Variants in DRC9 observed in about 807,000 individuals in gnomAD.
DRC9 encodes dynein regulatory complex subunit 9.
chr3:197,914,777 G>A, the DRC9 span, among the ~76,000 whole-genome samples: 6 of 152,150 alleles, frequency 3.9e-5, no homozygotes, highest in South Asian at 2.1e-4. Flanking sequence ...TAACAAGGGA[G>A]GAGTACATTA....
the DRC9 span, chr3:197,938,764 T>A: frequency 6.2e-7 from 1 of 1,609,912 alleles, no homozygotes; most frequent in Non-Finnish European, 8.5e-7. Context: ...TCCTTCTAGA[T>A]TCATTTCTCT....
At chr3:197,951,067 T>A in the DRC9 span, 1 of 1,602,106 alleles carries the variant, frequency 6.2e-7, no homozygotes, top group African/African-American at 1.3e-5. Flanking sequence ...AACTTAGATG[T>A]TTGCTCTGAG....
the DRC9 span, chr3:197,945,806 C>T: frequency 2.5e-4 from 143 of 570,810 alleles, 1 homozygote; most frequent in East Asian, 3.5e-3. Context: ...ACTATCGCCT[C>T]TTTGTGCGGA....
At chr3:197,889,975 C>T in the DRC9 span, among the ~76,000 whole-genome samples, 2 of 152,086 alleles carry the variant, frequency 1.3e-5, no homozygotes, top group African/African-American at 2.4e-5. Flanking sequence ...TTTTCTTCAC[C>T]CGTAGAAATC....
the DRC9 span, among the ~76,000 whole-genome samples, chr3:197,891,918 C>G: frequency 6.6e-6 from 1 of 152,172 alleles, no homozygotes. Flanking sequence ...CAGAGTCTCA[C>G]TCTGTCTGTC....
chr3:197,950,084 A>G, the DRC9 span: 4 of 1,213,240 alleles, frequency 3.3e-6, no homozygotes, highest in Non-Finnish European at 3.1e-6. Flanking sequence ...TTCAGTGCGA[A>G]GCCGATTTCC....
chr3:197,892,170 G>A, the DRC9 span, among the ~76,000 whole-genome samples: 2 of 152,212 alleles, frequency 1.3e-5, 1 homozygote, highest in South Asian at 4.1e-4. Flanking sequence ...GATTATAGGC[G>A]TTAGCCACCA....
the DRC9 span, chr3:197,889,654 T>C: frequency 2.5e-6 from 4 of 1,614,128 alleles, no homozygotes; most frequent in African/African-American, 2.7e-5. Context: ...ACTTTGTCTT[T>C]AGGCATCTTG....
At chr3:197,904,039 C>CATATATATACATACATATAT in the DRC9 span, among the ~76,000 whole-genome samples, 1 of 65,312 alleles carries the variant, frequency 1.5e-5, no homozygotes, top group South Asian at 4.7e-4. Flanking sequence ...TATATACATA[C>CATATATATACATACATATAT]ATATATATAC....
the DRC9 span, chr3:197,951,541 C>T: frequency 2.0e-6 from 1 of 502,882 alleles, no homozygotes; most frequent in South Asian, 2.0e-5. Flanking sequence ...TTAGTAGAGA[C>T]AGGGTATTGC....
the DRC9 span, chr3:197,954,102 C>G: frequency 1.2e-6 from 2 of 1,614,062 alleles, no homozygotes; most frequent in Non-Finnish European, 1.7e-6. Context: ...GTGCCAAATT[C>G]CGAAGCAATC....
the DRC9 span, chr3:197,943,636 CAAAA>C: frequency 1.7e-6 from 1 of 581,134 alleles, no homozygotes. Flanking sequence ...GAGACCCTGT[CAAAA>C]AAAAAAAGAA....
the DRC9 span, among the ~76,000 whole-genome samples, chr3:197,933,906 G>A: frequency 1.3e-5 from 2 of 148,932 alleles, no homozygotes; most frequent in Admixed American, 1.3e-4. Flanking sequence ...TGCCTCCTGG[G>A]TTCAAGCGAC....
chr3:197,941,405 TCC>T, the DRC9 span, among the ~76,000 whole-genome samples: 1 of 30,516 alleles, frequency 3.3e-5, no homozygotes, highest in Non-Finnish European at 5.6e-5. Flanking sequence ...CTCCCTCCTC[TCC>T]CATCCCCCTC....
the DRC9 span, among the ~76,000 whole-genome samples, chr3:197,898,387 AAG>A: frequency 6.6e-6 from 1 of 152,254 alleles, no homozygotes; most frequent in Non-Finnish European, 1.5e-5. Flanking sequence ...GAAAATAAAA[AAG>A]TGAAAATAAA....
At chr3:197,955,411 T>C in the DRC9 span, among the ~76,000 whole-genome samples, 1 of 151,670 alleles carries the variant, frequency 6.6e-6, no homozygotes, top group East Asian at 2.0e-4. Flanking sequence ...TATAGGCACG[T>C]ACCACCATGC....
the DRC9 span, among the ~76,000 whole-genome samples, chr3:197,892,458 A>G: frequency 2.8e-3 from 420 of 152,074 alleles, 2 homozygotes; most frequent in African/African-American, 9.6e-3. Context: ...TTTGACCCCA[A>G]ATAGCAATAC....
chr3:197,913,860 G>T, the DRC9 span: 2 of 1,612,718 alleles, frequency 1.2e-6, no homozygotes, highest in East Asian at 2.2e-5. Flanking sequence ...CTGGGTTCTT[G>T]GCTAATGTCC....
At chr3:197,951,828 G>A in the DRC9 span, among the ~76,000 whole-genome samples, 1 of 151,972 alleles carries the variant, frequency 6.6e-6, no homozygotes, top group East Asian at 1.9e-4. Context: ...CTCCTGAGTA[G>A]CTGGGCTTAC....
Sources: gnomAD v4.1 joint callset for allele counts (sites outside exome capture counted in the v4.1 genomes callset) on GRCh38, gnomAD v4.1.1 for gene constraint, MANE v1.5 for transcripts, NCBI Gene and HGNC (gene_info 2026-07-23, HGNC 2026-07-21) for gene names.